CDKL4: variants seen among roughly 807,000 people sequenced by gnomAD.
The protein encoded by CDKL4 is cyclin-dependent kinase-like 4.
In CDKL4, 44 loss-of-function variants were observed where a neutral mutation model predicts 42.0. The observed-to-expected ratio is 1.05, with a 90% CI of 0.82 to 1.35. The LOEUF (loss-of-function observed/expected upper bound fraction) is 1.35, where lower values mean the gene tolerates loss of function less well. CDKL4 is among the 40% of genes most tolerant of loss of function. The pLI is 0.00. For missense variants in CDKL4, 393 were observed against 369.9 expected (o/e 1.06, Z -0.51); for synonymous variants, 120 against 121.6 (o/e 0.99, Z 0.09).
At chr2:39,211,247 T>G (rs1677569915) in intron 4 of CDKL4, among the ~76,000 whole-genome samples, 1 of 151,970 alleles carries the variant, frequency 6.6e-6, no homozygotes, top group Non-Finnish European at 1.5e-5. Flanking sequence ...ATTGGCTGAG[T>G]GTAGTGGCAT....
At chr2:39,175,785 G>C in exon 10 of CDKL4, 1 of 290,360 alleles carries the variant, frequency 3.4e-6, no homozygotes, top group South Asian at 3.3e-5. Flanking sequence ...TGCAGTTTTA[G>C]GCTTTATAAC....
At chr2:39,193,837 T>C (rs1402106776) in intron 5 of CDKL4, among the ~76,000 whole-genome samples, 1 of 147,734 alleles carries the variant, frequency 6.8e-6, no homozygotes, top group African/African-American at 2.7e-5. Context: ...CTATGTGTTC[T>C]TTTTCACTTA....
At chr2:39,217,352 T>A (rs59834946) in intron 3 of CDKL4, among the ~76,000 whole-genome samples, 4,539 of 152,190 alleles carry the variant, frequency 0.03, 226 homozygotes, top group African/African-American at 0.1. Context: ...GCTAACAAGA[T>A]AGGGTAACAT....
intron 1 of CDKL4, among the ~76,000 whole-genome samples, chr2:39,238,038 C>T (rs905030284): frequency 6.6e-6 from 1 of 152,108 alleles, no homozygotes; most frequent in Non-Finnish European, 1.5e-5. Flanking sequence ...TTACAAAATA[C>T]CATTGAAAGA....
At chr2:39,214,326 C>A (rs565365523) in intron 3 of CDKL4, among the ~76,000 whole-genome samples, 3 of 152,110 alleles carry the variant, frequency 2.0e-5, no homozygotes, top group African/African-American at 7.2e-5. Context: ...ACCTGCCTAG[C>A]CACCCATTTA....
chr2:39,201,474 T>C (rs1372560213), intron 5 of CDKL4, among the ~76,000 whole-genome samples: 4 of 152,118 alleles, frequency 2.6e-5, no homozygotes, highest in African/African-American at 9.7e-5. Flanking sequence ...CCTGGGTATC[T>C]ACCGAGAGGA....
At chr2:39,170,473 T>C in the CDKL4 span, among the ~76,000 whole-genome samples, 6 of 152,032 alleles carry the variant, frequency 3.9e-5, no homozygotes, top group African/African-American at 1.4e-4. Flanking sequence ...TTGTTGTTTT[T>C]GAGACAGAGT....
At chr2:39,228,517 G>GTT (rs1678895806) in intron 2 of CDKL4, among the ~76,000 whole-genome samples, 1 of 152,114 alleles carries the variant, frequency 6.6e-6, no homozygotes, top group African/African-American at 2.4e-5. Flanking sequence ...AAAAATGAAG[G>GTT]TTGCCTGTGT....
rs1021453174 is a variant in CDKL4, at chr2:39,212,423, C to A, written c.363+977G>T. On this transcript the variant is annotated intron_variant, in intron 4 of 9. Transcript: ENST00000451199. ...CAATTTTTTGTATTTTTAGTAGAGA[C>A]AGGGTTTCACCGTGTTGGCCAGGAT... Among the ~76,000 whole-genome samples the A allele has an allele frequency of 2.0e-5, 3 of 151,410 alleles. No individual in the cohort carries two copies. In the East Asian group the frequency reaches 5.9e-4, roughly 30 times the overall value.
intron 3 of CDKL4, among the ~76,000 whole-genome samples, chr2:39,216,488 A>T (rs1677925453): frequency 6.6e-6 from 1 of 152,204 alleles, no homozygotes; most frequent in African/African-American, 2.4e-5. Flanking sequence ...CATTGAAAGA[A>T]ATCAAGCAAG....
chr2:39,174,374 T>C (rs900591262), downstream of CDKL4, among the ~76,000 whole-genome samples: 2 of 149,492 alleles, frequency 1.3e-5, no homozygotes, highest in Admixed American at 1.4e-4. Flanking sequence ...CACTCCAGCC[T>C]GGGTGACAGA....
At chr2:39,230,663 C>T (rs1216071380) in intron 1 of CDKL4, among the ~76,000 whole-genome samples, 1 of 152,110 alleles carries the variant, frequency 6.6e-6, no homozygotes, top group Non-Finnish European at 1.5e-5. Flanking sequence ...AAAAACCCCA[C>T]CCCACTTTAT....
intron 5 of CDKL4, among the ~76,000 whole-genome samples, chr2:39,201,930 A>G (rs2148328999): frequency 6.6e-6 from 1 of 152,270 alleles, no homozygotes; most frequent in African/African-American, 2.4e-5. Flanking sequence ...AGAAATCACC[A>G]CCAAAGAACT....
At chr2:39,203,596 CAT>C (rs1466490920) in intron 5 of CDKL4, among the ~76,000 whole-genome samples, 1 of 152,084 alleles carries the variant, frequency 6.6e-6, no homozygotes, top group African/African-American at 2.4e-5. Context: ...ATACTGAATA[CAT>C]ATGTTTTCAC....
At chr2:39,243,113 CAAAAAAAAAAAAAAAAAAAAAAAA>C (rs57132937) in intron 1 of CDKL4, among the ~76,000 whole-genome samples, 1 of 38,420 alleles carries the variant, frequency 2.6e-5, no homozygotes, top group African/African-American at 1.5e-4. Flanking sequence ...GACCCTGTCT[CAAAAAAAAAAAAAAAAAAAAAAAA>C]AAAAAAAAAA....
rs76596149 is a variant in CDKL4, at chr2:39,226,859, T to C, written c.169-899A>G. On this transcript the variant is annotated intron_variant, in intron 2 of 9. Coordinates refer to ENST00000451199, the Ensembl canonical transcript of CDKL4. ...TCGGCTCACTACAACCTCCGCCTCC[T>C]GGTTCCAAGTGATGCTCATGCCTTA... Among the ~76,000 whole-genome samples, 1,322 of 152,116 alleles carry C rather than the reference T, an allele frequency of 8.7e-3. 24 individuals are homozygous for C. The highest frequency in any genetic ancestry group is 0.03 in the African/African-American group (1,234 of 41,506).
At chr2:39,170,061 G>C in the CDKL4 span, among the ~76,000 whole-genome samples, 1 of 151,918 alleles carries the variant, frequency 6.6e-6, no homozygotes, top group African/African-American at 2.4e-5. Context: ...ACAGAGTTTT[G>C]ACATGTTGCC....
intron 5 of CDKL4, among the ~76,000 whole-genome samples, chr2:39,196,614 TC>T (rs1676529585): frequency 6.6e-6 from 1 of 151,502 alleles, no homozygotes; most frequent in African/African-American, 2.4e-5. Flanking sequence ...AAAATAAGGT[TC>T]TTTTTTTTTT....
chr2:39,190,542 C>T (rs1198670423), intron 5 of CDKL4, 40 bp from the exon 6 acceptor site: 3 of 1,570,156 alleles, frequency 1.9e-6, no homozygotes, highest in African/African-American at 2.7e-5. Context: ...TCAATTCTCC[C>T]AACATGTGAA....
Sources: allele counts gnomAD v4.1 joint callset (sites outside exome capture counted in the v4.1 genomes callset), GRCh38; gene constraint gnomAD v4.1.1; transcripts MANE v1.5; gene names NCBI Gene and HGNC (gene_info 2026-07-23, HGNC 2026-07-21).